EYS: variants seen among roughly 807,000 people sequenced by gnomAD.
The protein encoded by EYS is EGF-like photoreceptor maintenance factor.
In EYS, 250 loss-of-function variants were observed where a neutral mutation model predicts 282.1. The observed-to-expected ratio is 0.89, with a 90% CI of 0.80 to 0.98. The LOEUF is 0.98. EYS is among the 50% of genes least tolerant of loss of function. The probability of loss-of-function intolerance (pLI) is 0.00; values close to 1 mark genes in which losing one functional copy is unlikely to be tolerated. For synonymous variants in EYS, 1,355 were observed against 1,282.9 expected, an observed-to-expected ratio of 1.06 and a Z score of -1.20; for missense variants, 4,016 against 3,709.0, an observed-to-expected ratio of 1.08 and a Z score of -2.15.
intron 16 of EYS, among the ~76,000 whole-genome samples, chr6:64,906,324 T>A (rs1192497985): frequency 6.6e-6 from 1 of 152,140 alleles, no homozygotes; most frequent in East Asian, 1.9e-4. Flanking sequence ...ATATTTAACA[T>A]GTTTTATGTT....
At chr6:65,486,205 T>A (rs1765777500) in intron 5 of EYS, among the ~76,000 whole-genome samples, 1 of 152,200 alleles carries the variant, frequency 6.6e-6, no homozygotes, top group African/African-American at 2.4e-5. Flanking sequence ...AGTTGCAAAA[T>A]TCACAAATAA....
At chr6:64,841,163 AT>A (rs1312011133) in intron 19 of EYS, among the ~76,000 whole-genome samples, 3 of 152,158 alleles carry the variant, frequency 2.0e-5, no homozygotes, top group Admixed American at 2.0e-4. Context: ...AGAATGCATG[AT>A]GTAGACCTAT....
intron 5 of EYS, among the ~76,000 whole-genome samples, chr6:65,468,228 C>T (rs188633264): frequency 5.1e-4 from 77 of 152,148 alleles, no homozygotes; most frequent in Non-Finnish European, 7.6e-4. Context: ...TAATCAGAGC[C>T]GAAGCTACAA....
At chr6:63,961,571 G>A (rs371424371) in intron 35 of EYS, among the ~76,000 whole-genome samples, 25 of 151,918 alleles carry the variant, frequency 1.6e-4, no homozygotes, top group African/African-American at 5.8e-4. Flanking sequence ...GAAATAAACA[G>A]CTTTATTGCT....
chr6:65,008,243 G>C (rs1771748308), intron 13 of EYS, among the ~76,000 whole-genome samples: 1 of 152,146 alleles, frequency 6.6e-6, no homozygotes, highest in African/African-American at 2.4e-5. Flanking sequence ...GAGAGACTAA[G>C]GGAGGCGTTG....
At chr6:65,576,893 A>G (rs911045474) in intron 2 of EYS, among the ~76,000 whole-genome samples, 2 of 151,844 alleles carry the variant, frequency 1.3e-5, no homozygotes, top group Non-Finnish European at 1.5e-5. Context: ...TGAAAACTCT[A>G]AACACTGATG....
At chr6:63,852,997 G>A (rs1441909776) in intron 36 of EYS, among the ~76,000 whole-genome samples, 1 of 152,116 alleles carries the variant, frequency 6.6e-6, no homozygotes, top group African/African-American at 2.4e-5. Context: ...AATAATAAGA[G>A]CTATTTATGA....
chr6:64,506,921 A>C (rs116559507), intron 26 of EYS, among the ~76,000 whole-genome samples: 2,728 of 139,534 alleles, frequency 0.02, 284 homozygotes, highest in African/African-American at 0.085. Flanking sequence ...AAAAAAAAAA[A>C]AAAACTGACT....
chr6:64,849,753 C>A (rs1469436162), intron 19 of EYS, among the ~76,000 whole-genome samples: 2 of 151,862 alleles, frequency 1.3e-5, no homozygotes, highest in Non-Finnish European at 2.9e-5. Context: ...TCACAGGCCA[C>A]CCTTTGTTGC....
chr6:64,905,777 T>A (rs1767809505), intron 16 of EYS, among the ~76,000 whole-genome samples: 1 of 152,156 alleles, frequency 6.6e-6, no homozygotes, highest in African/African-American at 2.4e-5. Flanking sequence ...TAAAAATCAT[T>A]TTACATAGCA....
intron 5 of EYS, among the ~76,000 whole-genome samples, chr6:65,479,896 C>A (rs998453131): frequency 1.3e-5 from 2 of 151,738 alleles, no homozygotes; most frequent in Non-Finnish European, 2.9e-5. Context: ...TGGCTCACAC[C>A]TGTAATCCCA....
chr6:64,038,542 A>T (rs1433127449), intron 33 of EYS, among the ~76,000 whole-genome samples: 10 of 152,038 alleles, frequency 6.6e-5, no homozygotes, highest in Admixed American at 6.6e-4. Flanking sequence ...GACTATCAAA[A>T]TCCAGTACTT....
chr6:64,749,018 C>A (rs1040327886), intron 22 of EYS, among the ~76,000 whole-genome samples: 2 of 152,220 alleles, frequency 1.3e-5, no homozygotes, highest in African/African-American at 4.8e-5. Flanking sequence ...GGTGATCCAC[C>A]CGCCTTGGCC....
chr6:63,785,847 A>T (rs1015914762), intron 39 of EYS, among the ~76,000 whole-genome samples: 3 of 152,076 alleles, frequency 2.0e-5, no homozygotes, highest in Non-Finnish European at 4.4e-5. Flanking sequence ...TGTCTCTAAT[A>T]AAAATACAAA....
chr6:64,395,486 C>T (rs1773330406), intron 28 of EYS, among the ~76,000 whole-genome samples: 1 of 152,024 alleles, frequency 6.6e-6, no homozygotes, highest in Non-Finnish European at 1.5e-5. Context: ...TTTGTAGGGA[C>T]ATGGATGAAA....
At chr6:65,159,785 T>C (rs1764809544) in intron 12 of EYS, among the ~76,000 whole-genome samples, 1 of 150,918 alleles carries the variant, frequency 6.6e-6, no homozygotes, top group Non-Finnish European at 1.5e-5. Context: ...TTTTCCTTAC[T>C]TTGTAGCTTT....
intron 33 of EYS, among the ~76,000 whole-genome samples, chr6:64,008,241 C>CT: frequency 6.6e-6 from 1 of 151,944 alleles, no homozygotes; most frequent in East Asian, 1.9e-4. Flanking sequence ...GTTTATTTAT[C>CT]TTTTTTGATC....
intron 36 of EYS, among the ~76,000 whole-genome samples, chr6:63,811,127 T>C (rs1215492654): frequency 6.6e-6 from 1 of 152,046 alleles, no homozygotes; most frequent in African/African-American, 2.4e-5. Context: ...TATGCTAGAA[T>C]GTCCCCATCA....
chr6:65,409,689 C>A (rs1456333447), intron 5 of EYS, among the ~76,000 whole-genome samples: 7 of 152,056 alleles, frequency 4.6e-5, no homozygotes, highest in African/African-American at 1.7e-4. Context: ...TAGTAAACAA[C>A]ATATTTATTG....
Sources: gnomAD v4.1 joint callset for allele counts (sites outside exome capture counted in the v4.1 genomes callset) on GRCh38, gnomAD v4.1.1 for gene constraint, MANE v1.5 for transcripts, NCBI Gene and HGNC (gene_info 2026-07-23, HGNC 2026-07-21) for gene names.